MYO18A: variants seen among roughly 807,000 people sequenced by gnomAD.
The protein encoded by MYO18A is myosin XVIIIA, also known as unconventional myosin-XVIIIa.
In MYO18A, 78 loss-of-function variants were observed where a neutral mutation model predicts 235.8. That is an observed-to-expected ratio of 0.33 (90% CI 0.28 to 0.40). MYO18A has a LOEUF of 0.40. Ranked by LOEUF, MYO18A falls within the 10% of genes least tolerant of loss-of-function variation. The pLI, the probability that MYO18A is intolerant of heterozygous loss-of-function variation, is 1.00. For missense variants in MYO18A, 2,215 were observed against 2,699.3 expected (o/e 0.82, Z 3.98); for synonymous variants, 977 against 1,077.8 (o/e 0.91, Z 1.83).
At chr17:29,113,949 C>T (rs2066993795) in intron 15 of MYO18A, 62 bp downstream of exon 15, 3 of 1,375,772 alleles carry the variant, frequency 2.2e-6, no homozygotes, top group Non-Finnish European at 2.0e-6. Flanking sequence ...AGGGCTCCAC[C>T]ACGGGGAGAG....
intron 41 of MYO18A, chr17:29,080,884 G>A (rs1251541182): frequency 1.0e-6 from 1 of 985,260 alleles, no homozygotes; most frequent in African/African-American, 1.7e-5. Context: ...GGTGAAGAGC[G>A]AATCCGCGTC....
At chr17:29,161,326 G>C (rs2068167739) in intron 2 of MYO18A, among the ~76,000 whole-genome samples, 1 of 143,832 alleles carries the variant, frequency 7.0e-6, no homozygotes, top group Non-Finnish European at 1.5e-5. Context: ...CTGCATTCCA[G>C]CCTGGGTGAC....
Position 29,120,532 on chromosome 17 carries a change from A to T in MYO18A, c.1728+84T>A. 1 of 1,492,494 alleles carries T rather than the reference A, an allele frequency of 6.7e-7. No individual in the cohort carries two copies. Among genetic ancestry groups the T allele is most frequent in the Non-Finnish European group, 9.0e-7 (1 of 1,108,274 alleles). The allele number at this position is 1,492,494 out of a possible 1,614,324, so 92.5% of individuals were successfully genotyped here. A position where few individuals can be genotyped will look rare whatever the true frequency, so the allele number is the denominator to read the frequency against. On this transcript the variant is annotated intron_variant, in intron 7 of 41. Coordinates refer to ENST00000527372, the MANE Select transcript of MYO18A (RefSeq NM_078471.4). This position sits in a 1 kb window ranked among gnomAD's most constrained non-coding sequence, Gnocchi z 4.2. ...GTTAGGGTAGAATCCCAGGAAAATG[A>T]GGCATGGGAGAGAGCCTGATGTCTA...
rs371274080 is a variant in MYO18A, at chr17:29,121,026, C to T, written c.1557G>A (p.Ala519=). 10 of 1,612,254 alleles carry T rather than the reference C, an allele frequency of 6.2e-6. No individual in the cohort carries two copies. The African/African-American group carries it at 9.3e-5, about 15-fold the overall frequency. ...QHLVQYLATI[A]GISGNKVFSV... ...AAAACACCTTGTTCCCGCTGATGCC[C>T]GCGATGGTGGCCAGGTACTGCACCA... Residue 519 remains alanine, a synonymous_variant, in exon 6 of 42, where the codon GCG becomes GCA. Coordinates refer to ENST00000527372, the MANE Select transcript of MYO18A (RefSeq NM_078471.4). This position sits in a 1 kb window ranked among gnomAD's most constrained non-coding sequence, Gnocchi z 4.2.
intron 2 of MYO18A, among the ~76,000 whole-genome samples, chr17:29,134,161 G>A (rs115357828): frequency 0.021 from 3,138 of 152,222 alleles, 102 homozygotes; most frequent in African/African-American, 0.071. Context: ...AAGTGCAATG[G>A]TGCCATCTCG....
chr17:29,120,871 G>A lies in MYO18A; in HGVS notation c.1586-113C>T, dbSNP rs890029100. On this transcript the variant is annotated intron_variant, in intron 6 of 41. Transcript: ENST00000527372. The surrounding 1 kb of genome is among the most constrained non-coding windows in gnomAD (Gnocchi z 4.2). ...GGGGCCATTCAGACCAGAACTGCCC[G>A]TGGACAGAGGGGTTTCGGGGGGATG... is the stretch of plus-strand genomic sequence containing the variant. The A allele has an allele frequency of 1.4e-5, 22 of 1,559,242 alleles. No individual in the cohort carries two copies. The highest frequency in any genetic ancestry group is 1.3e-4 in the East Asian group (6 of 44,492).
chr17:29,167,331 A>G (rs571091192), intron 1 of MYO18A, among the ~76,000 whole-genome samples: 7 of 152,324 alleles, frequency 4.6e-5, no homozygotes, highest in African/African-American at 1.4e-4. Context: ...TGATAGACCA[A>G]GGCTTAGGTG....
At position 29,111,936 on chromosome 17, in the gene MYO18A, A is replaced by T; in HGVS notation, c.2599-73T>A. 1 of 1,532,878 alleles carries T rather than the reference A, an allele frequency of 6.5e-7. No individual in the cohort carries two copies. 95.0% of individuals were successfully genotyped at this position (1,532,878 alleles called of 1,614,324 possible). A position where few individuals can be genotyped will look rare whatever the true frequency, so the allele number is the denominator to read the frequency against. ...AAGGGGCCAGGGTGGTGCCGGGCCC[A>T]AACACACCCTACAGAATGCTACACA... On this transcript the variant is annotated intron_variant, in intron 15 of 41. Coordinates refer to ENST00000527372, the MANE Select transcript of MYO18A (RefSeq NM_078471.4). The surrounding 1 kb of genome is among the most constrained non-coding windows in gnomAD (Gnocchi z 5.1).
In MYO18A at chr17:29,175,920, G is replaced by A. The variant is rs542604009; in HGVS notation, c.-82+4393C>T. 3.3e-5 allele frequency among the ~76,000 whole-genome samples: 5 copies of A among 152,208 alleles called. No homozygotes were observed. In the South Asian group the frequency reaches 1.0e-3, roughly 32 times the overall value. On this transcript the variant is annotated intron_variant, in intron 1 of 41. Coordinates refer to ENST00000527372, the MANE Select transcript of MYO18A (RefSeq NM_078471.4). The stretch of plus-strand genomic sequence containing the variant: ...TAAAAATACAAAAAAGTAGCCGGGC[G>A]TGGTGGCGGGCGCCTGTAATCCCAG...
At chr17:29,114,860 C>T (rs976307858) in intron 14 of MYO18A, 47 bp downstream of exon 14, 2 of 1,573,058 alleles carry the variant, frequency 1.3e-6, no homozygotes, top group East Asian at 2.3e-5. Flanking sequence ...GCTGTGGGTG[C>T]CAAGGCCAGA....
chr17:29,093,137 A>G, intron 32 of MYO18A, 136 bp from the exon 33 acceptor site: 3 of 1,292,080 alleles, frequency 2.3e-6, no homozygotes, highest in Non-Finnish European at 3.2e-6. Context: ...CATGCCAACC[A>G]GCGATAAAGG....
In MYO18A at chr17:29,074,286, T is replaced by A; in HGVS notation, c.*484A>T. 3 of 1,255,772 alleles carry A rather than the reference T, an allele frequency of 2.4e-6. No homozygotes were observed. The highest frequency in any genetic ancestry group is 3.3e-6 in the Non-Finnish European group (3 of 912,606). The allele number at this position is 1,255,772 out of a possible 1,614,324, so 77.8% of individuals were successfully genotyped here. Reference sequence around the variant, plus strand: ...AGCTGTGATGGAGAGGTTGGGTATTTAAATTAAAAAGTAGAAAGACAGCAG... The same window carrying A: ...AGCTGTGATGGAGAGGTTGGGTATTAAAATTAAAAAGTAGAAAGACAGCAG... On this transcript the variant is annotated 3_prime_UTR_variant, in exon 42 of 42. Coordinates refer to ENST00000527372, the MANE Select transcript of MYO18A (RefSeq NM_078471.4). The surrounding 1 kb of genome is among the most constrained non-coding windows in gnomAD (Gnocchi z 4.4).
At chr17:29,127,703 C>T (rs937157718) in intron 2 of MYO18A, 9 of 275,430 alleles carry the variant, frequency 3.3e-5, no homozygotes, top group African/African-American at 1.6e-4. Flanking sequence ...GCCATGCAGC[C>T]CCTGCCGGCC....
Position 29,166,871 on chromosome 17 carries a change from TCTC to T in MYO18A, c.67_69del (p.Glu23del), listed in dbSNP as rs767082395. 1.4e-5 allele frequency: 21 copies of T among 1,552,896 alleles called. No homozygotes were observed. The highest frequency in any genetic ancestry group is 2.0e-5 in the Admixed American group (1 of 51,060). The stretch of plus-strand genomic sequence containing the variant: ...TCTGCCGCTGACATCCGCTCCTTTT[TCTC>T]CTTTTTCTCCTTCTTCTCCTTCCGC... On this transcript the variant is annotated inframe_deletion, in exon 2 of 42. Coordinates refer to ENST00000527372, the MANE Select transcript of MYO18A (RefSeq NM_078471.4).
chr17:29,121,918 C>G lies in MYO18A; in HGVS notation c.1127G>C (p.Gly376Ala). ...LKSEELNLPEGKVRVKLDHDG... is the reference protein window; with the variant it reads ...LKSEELNLPEAKVRVKLDHDG... Reference sequence around the variant, plus strand: ...GTGGTCCAGCTTCACACGCACCTTCCCCTCAGGCAAGTTGAGCTCCTCAGA... The same window carrying G: ...GTGGTCCAGCTTCACACGCACCTTCGCCTCAGGCAAGTTGAGCTCCTCAGA... The change falls in exon 4 of 42, where the codon GGG (glycine) becomes GCG (alanine). Residue 376 changes from glycine to alanine, a missense_variant. By Grantham distance (60) the Gly-to-Ala change is moderately conservative (BLOSUM62 0). Coordinates refer to ENST00000527372, the MANE Select transcript of MYO18A (RefSeq NM_078471.4). This position sits in a 1 kb window ranked among gnomAD's most constrained non-coding sequence, Gnocchi z 4.2. The G allele has an allele frequency of 6.2e-7, 1 of 1,613,952 alleles. No individual in the cohort carries two copies.
chr17:29,075,565 T>C (rs548945804), intron 41 of MYO18A: 8 of 167,004 alleles, frequency 4.8e-5, no homozygotes, highest in Admixed American at 3.9e-4. Flanking sequence ...GAAAAGCCCC[T>C]TTCTTGGTAC....
In MYO18A at chr17:29,128,909, T is replaced by C. The variant is rs76949164; in HGVS notation, c.1000-6656A>G. ...GTGTCAGGGCAGCAACCAAGTCCCA[T>C]TCTAGGTGAGCCCACTGCCTCGCAG... is the stretch of plus-strand genomic sequence containing the variant. On this transcript the variant is annotated intron_variant, in intron 2 of 41. Coordinates refer to ENST00000527372, the MANE Select transcript of MYO18A (RefSeq NM_078471.4). 306 of 626,304 alleles carry C rather than the reference T, an allele frequency of 4.9e-4. 5 individuals carry two copies. In the East Asian group the frequency reaches 1.0e-2, roughly 20 times the overall value. The allele number at this position is 626,304 out of a possible 1,614,324, so 38.8% of individuals were successfully genotyped here. A position where few individuals can be genotyped will look rare whatever the true frequency, so the allele number is the denominator to read the frequency against.
chr17:29,092,794 AAAGAGAATGGAAAGGT>A, intron 33 of MYO18A, 45 bp downstream of exon 33: 1 of 1,587,208 alleles, frequency 6.3e-7, no homozygotes, highest in Non-Finnish European at 8.6e-7. Context: ...CGAGAGAGAG[AAAGAGAATGGAAAGGT>A]AAGCTCTGTT....
rs2067726906 is a variant in MYO18A, at chr17:29,140,960, C to T, written c.1000-18707G>A. On this transcript the variant is annotated intron_variant, in intron 2 of 41. Transcript: ENST00000527372. This position sits in a 1 kb window ranked among gnomAD's most constrained non-coding sequence, Gnocchi z 4.2. ...CCAAGACAGCACACGGGGCCCACTG[C>T]ACACTGTGCCCAAACAGCAGCCGCA... Among the ~76,000 whole-genome samples, 1 of 152,258 alleles carries T rather than the reference C, an allele frequency of 6.6e-6. No homozygotes were observed. Among genetic ancestry groups the T allele is most frequent in the African/African-American group, 2.4e-5 (1 of 41,472 alleles).
Sources: allele counts gnomAD v4.1 joint callset (sites outside exome capture counted in the v4.1 genomes callset), GRCh38; gene constraint gnomAD v4.1.1; non-coding constraint Gnocchi (gnomAD v3.1); transcripts MANE v1.5; gene names NCBI Gene and HGNC (gene_info 2026-07-23, HGNC 2026-07-21).